RTN4: variants seen among roughly 807,000 people sequenced by gnomAD.
The protein encoded by RTN4 is reticulon 4.
A neutral mutation model predicts 90.4 loss-of-function variants in RTN4; 32 were observed. That is an observed-to-expected ratio of 0.35 (90% CI 0.27 to 0.48). The LOEUF is 0.48. Ranked by LOEUF, RTN4 falls within the 20% of genes least tolerant of loss-of-function variation. RTN4 has a pLI of 0.99. For missense variants in RTN4, 1,706 were observed against 1,430.2 expected, an observed-to-expected ratio of 1.19 and a Z score of -3.11; for synonymous variants, 629 against 552.5, an observed-to-expected ratio of 1.14 and a Z score of -1.94.
chr2:54,997,600 C>A (rs1679532106), intron 3 of RTN4, among the ~76,000 whole-genome samples: 1 of 152,022 alleles, frequency 6.6e-6, no homozygotes, highest in Admixed American at 6.6e-5. Context: ...ACAGACAACC[C>A]AAATGTCTAT....
chr2:54,980,695 C>T (rs1477231461), intron 5 of RTN4, among the ~76,000 whole-genome samples: 1 of 152,032 alleles, frequency 6.6e-6, no homozygotes, highest in Non-Finnish European at 1.5e-5. Flanking sequence ...CTCTCCCCCA[C>T]CAATCTTTGA....
At chr2:54,975,325 T>C (rs1677534244) in intron 5 of RTN4, among the ~76,000 whole-genome samples, 1 of 152,218 alleles carries the variant, frequency 6.6e-6, no homozygotes, top group African/African-American at 2.4e-5. Flanking sequence ...ATCAGTTCCT[T>C]TGCTTTCTAA....
the RTN4 span, among the ~76,000 whole-genome samples, chr2:55,136,289 T>A: frequency 6.6e-6 from 1 of 152,144 alleles, no homozygotes; most frequent in African/African-American, 2.4e-5. Flanking sequence ...AAAACTTCAA[T>A]AAACACCTGT....
chr2:55,007,234 C>A (rs1233511572), intron 3 of RTN4, among the ~76,000 whole-genome samples: 1 of 151,860 alleles, frequency 6.6e-6, no homozygotes, highest in East Asian at 1.9e-4. Flanking sequence ...TCAAATCTGC[C>A]GCTTCTTCTT....
intron 3 of RTN4, among the ~76,000 whole-genome samples, chr2:55,022,931 C>CACACACACACACACACACA (rs1558815395): frequency 1.4e-5 from 1 of 71,390 alleles, no homozygotes; most frequent in Admixed American, 1.5e-4. Context: ...ACACACACAC[C>CACACACACACACACACACA]CTGCTCTCCC....
intron 1 of RTN4, among the ~76,000 whole-genome samples, chr2:55,092,885 T>G (rs1178771781): frequency 6.6e-6 from 1 of 152,284 alleles, no homozygotes; most frequent in Non-Finnish European, 1.5e-5. Context: ...TAGCCAGTTT[T>G]GCCCCTTCGC....
the RTN4 span, among the ~76,000 whole-genome samples, chr2:55,136,614 C>T: frequency 2.0e-5 from 3 of 152,234 alleles, no homozygotes; most frequent in African/African-American, 7.2e-5. Flanking sequence ...GCCACAGACC[C>T]ATATGGATTC....
intron 1 of RTN4, among the ~76,000 whole-genome samples, chr2:55,047,218 T>C (rs1667804452): frequency 6.6e-6 from 1 of 151,484 alleles, no homozygotes; most frequent in African/African-American, 2.4e-5. Flanking sequence ...TAATCCCAGC[T>C]ACTCGGGAGG....
chr2:54,993,993 G>A (rs1487923677), intron 3 of RTN4, among the ~76,000 whole-genome samples: 3 of 152,212 alleles, frequency 2.0e-5, no homozygotes, highest in Non-Finnish European at 4.4e-5. Context: ...CAGTGTGGCT[G>A]ACTTAATTGA....
chr2:55,101,895 A>G (rs146700117), intron 1 of RTN4, among the ~76,000 whole-genome samples: 1 of 152,280 alleles, frequency 6.6e-6, no homozygotes, highest in East Asian at 1.9e-4. Context: ...TCACAAAATC[A>G]TCACACACTG....
At chr2:55,074,498 G>C (rs531459872) in intron 2 of RTN4, among the ~76,000 whole-genome samples, 8 of 136,830 alleles carry the variant, frequency 5.8e-5, no homozygotes, top group African/African-American at 2.0e-4. Context: ...GCAAGACCCT[G>C]TCTCCCTGCT....
Position 55,049,925 on chromosome 2 carries a change from C to T in RTN4, c.376G>A (p.Ala126Thr), listed in dbSNP as rs1478692732. ...TVPAPSPLSA[A>T]AVSPSKLPED... ...GGGAGCTTGGAGGGCGAGACTGCGG[C>T]AGCAGACAGCGGGGATGGCGCGGGC... is the stretch of plus-strand genomic sequence containing the variant. Residue 126 changes from alanine to threonine, a missense_variant, in exon 1 of 9, where the codon GCC (alanine) becomes ACC (threonine). Physicochemically the swap from Ala to Thr is moderately conservative, Grantham distance 58. Coordinates refer to ENST00000337526, the MANE Select transcript of RTN4 (RefSeq NM_020532.5). The T allele has an allele frequency of 1.5e-5, 20 of 1,339,696 alleles. No individual in the cohort carries two copies. Among genetic ancestry groups the T allele is most frequent in the East Asian group, 3.1e-5 (1 of 32,230 alleles). The allele number at this position is 1,339,696 out of a possible 1,614,324, so 83.0% of individuals were successfully genotyped here.
At chr2:55,120,973 C>T in the RTN4 span, among the ~76,000 whole-genome samples, 1 of 152,122 alleles carries the variant, frequency 6.6e-6, no homozygotes, top group African/African-American at 2.4e-5. Flanking sequence ...TGGTGGCCAC[C>T]AGGACAGCTG....
intron 1 of RTN4, among the ~76,000 whole-genome samples, chr2:55,111,868 C>T (rs1668043936): frequency 6.6e-6 from 1 of 152,212 alleles, no homozygotes; most frequent in Non-Finnish European, 1.5e-5. Context: ...CTGCCTCCTG[C>T]CTTGTGACCA....
intron 5 of RTN4, among the ~76,000 whole-genome samples, chr2:54,979,266 T>C (rs1489214677): frequency 4.6e-5 from 7 of 151,926 alleles, no homozygotes; most frequent in East Asian, 1.9e-4. Flanking sequence ...CAATGTTGCC[T>C]AGGCTGGTCT....
chr2:55,079,306 G>A (rs535685981), intron 2 of RTN4, among the ~76,000 whole-genome samples: 4 of 152,356 alleles, frequency 2.6e-5, no homozygotes, highest in Admixed American at 6.5e-5. Flanking sequence ...TTAACTCACC[G>A]TGAAGGAACA....
chr2:55,009,081 T>C (rs1387055638), intron 3 of RTN4, among the ~76,000 whole-genome samples: 1 of 152,164 alleles, frequency 6.6e-6, no homozygotes, highest in Non-Finnish European at 1.5e-5. Flanking sequence ...CACATCTTTA[T>C]TGAACAAATT....
rs370771534 is a variant in RTN4 at position 55,026,164 on chromosome 2, A to G, written c.1935T>C (p.Asn645=). The G allele has an allele frequency of 6.2e-7, 1 of 1,613,460 alleles. No homozygotes were observed. The highest frequency in any genetic ancestry group is 2.2e-5 in the East Asian group (1 of 44,866). The change falls in exon 3 of 9, where the codon AAT becomes AAC. Residue 645 remains asparagine (N), a synonymous_variant. Transcript: ENST00000337526. ...SSSPLEASSV[N]YESIKHEPEN... Reference sequence around the variant, plus strand: ...CAGGCTCATGTTTTATGCTTTCATAATTAACTGAAGAAGCTTCTAATGGTG... The same window carrying G: ...CAGGCTCATGTTTTATGCTTTCATAGTTAACTGAAGAAGCTTCTAATGGTG...
rs1276596623 is a variant in RTN4 at position 54,987,632 on chromosome 2, A to G, written c.3080T>C (p.Leu1027Pro). Reference protein sequence around the residue: ...TGVVFGASLFLLLSLTVFSIV... With the variant: ...TGVVFGASLFPLLSLTVFSIV... ...GCTGAATACTGTCAATGAAAGCAGC[A>G]GGAATAGGCTGGCACCAAACACCAC... Residue 1027 changes from leucine (L) to proline (P), a missense_variant, in exon 4 of 9, where the codon CTG (leucine) becomes CCG (proline). Transcript: ENST00000337526. The G allele has an allele frequency of 5.0e-6, 8 of 1,614,246 alleles. No homozygotes were observed. In the South Asian group the frequency reaches 8.8e-5, roughly 18 times the overall value.
Sources: gnomAD v4.1 joint callset for allele counts (sites outside exome capture counted in the v4.1 genomes callset) on GRCh38, gnomAD v4.1.1 for gene constraint, MANE v1.5 for transcripts, NCBI Gene and HGNC (gene_info 2026-07-23, HGNC 2026-07-21) for gene names.